Variants in GALNT5 observed in about 807,000 individuals in gnomAD.
GALNT5 encodes UDP-GalNAc:polypeptide N-acetylgalactosaminyltransferase 5.
In GALNT5, 72 loss-of-function variants were observed where a neutral mutation model predicts 85.4. That is an observed-to-expected ratio of 0.84 (90% confidence interval 0.70 to 1.03). The LOEUF is 1.03. GALNT5 is among the 50% of genes least tolerant of loss of function. The probability of loss-of-function intolerance (pLI) is 0.00; values close to 1 mark genes in which losing one functional copy is unlikely to be tolerated. For missense variants in GALNT5, 1,137 were observed against 1,135.5 expected, an observed-to-expected ratio of 1.00 and a Z score of -0.02; for synonymous variants, 404 against 397.0, an observed-to-expected ratio of 1.02 and a Z score of -0.21.
intron 5 of GALNT5, among the ~76,000 whole-genome samples, chr2:157,296,847 T>C (rs1173969055): frequency 6.6e-6 from 1 of 152,136 alleles, no homozygotes; most frequent in Non-Finnish European, 1.5e-5. Flanking sequence ...TAAACATAAG[T>C]GCAAATTAAA....
At chr2:157,310,425 C>T (rs1026822895) in intron 9 of GALNT5, among the ~76,000 whole-genome samples, 6 of 152,244 alleles carry the variant, frequency 3.9e-5, no homozygotes, top group Admixed American at 1.3e-4. Context: ...ACTCAAGCAT[C>T]GTATTTCCAA....
rs1423384757 is a variant in GALNT5 at position 157,316,853 on chromosome 2, T to TGCATTGTA, written c.*5505_*5506insGCATTGTA. The stretch of plus-strand genomic sequence containing the variant: ...TTCAATTAGAGTCGCTTTGCAAGTT[T>TGCATTGTA]ATGTGAATCTTTGCTTTGTAAAAAC... On this transcript the variant is annotated 3_prime_UTR_variant, in exon 10 of 10. Coordinates refer to ENST00000259056, the MANE Select transcript of GALNT5 (RefSeq NM_014568.3). Among the ~76,000 whole-genome samples, 4 of 152,150 alleles carry TGCATTGTA rather than the reference T, an allele frequency of 2.6e-5. No individual in the cohort carries two copies. The highest frequency in any genetic ancestry group is 6.6e-5 in the Admixed American group (1 of 15,262).
At chr2:157,293,552 A>G (rs1683147165) in intron 3 of GALNT5, among the ~76,000 whole-genome samples, 1 of 152,216 alleles carries the variant, frequency 6.6e-6, no homozygotes, top group Non-Finnish European at 1.5e-5. Flanking sequence ...ACAAGCATTA[A>G]TGCCCTGAAA....
chr2:157,268,111 C>G (rs1682497762), intron 1 of GALNT5, among the ~76,000 whole-genome samples: 2 of 152,190 alleles, frequency 1.3e-5, no homozygotes, highest in African/African-American at 4.8e-5. Flanking sequence ...AGAAAATATT[C>G]TCCTTGACCT....
chr2:157,259,569 C>G (rs557743126), intron 1 of GALNT5, 33 bp downstream of exon 1: 1 of 1,307,546 alleles, frequency 7.6e-7, no homozygotes, highest in African/African-American at 1.5e-5. Context: ...TTCCTCAACC[C>G]CAAGTGCTTT....
chr2:157,259,002 C>A lies in GALNT5; in HGVS notation c.920C>A (p.Ala307Asp). 6.7e-7 allele frequency: 1 copy of A among 1,490,304 alleles called. No individual in the cohort carries two copies. The highest frequency in any genetic ancestry group is 1.5e-5 in the South Asian group (1 of 66,690). The allele number at this position is 1,490,304 out of a possible 1,614,324, so 92.3% of individuals were successfully genotyped here. ...GGAAGTTTGTCAAAGGATGATGGAG[C>A]TAGAGGGGCTCATGGGAAGAAACTC... ...PLGSLSKDDG[A>D]RGAHGKKLNF... is the part of the protein sequence containing the mutation. Residue 307 changes from alanine (A) to aspartate (D), a missense_variant, in exon 1 of 10, where the codon GCT becomes GAT. Ala to Asp is a moderately radical substitution (Grantham distance 126). Coordinates refer to ENST00000259056, the MANE Select transcript of GALNT5 (RefSeq NM_014568.3).
Position 157,316,986 on chromosome 2 carries a change from C to A in GALNT5, c.*5638C>A, listed in dbSNP as rs1002751878. On this transcript the variant is annotated 3_prime_UTR_variant, in exon 10 of 10. Transcript: ENST00000259056. ...TCAAATAAGTAATAAATATTTTTTTCAAAAACAAGAGCTTTCTGTTTTATT... is the reference window on the plus strand; with the variant it reads ...TCAAATAAGTAATAAATATTTTTTTAAAAAACAAGAGCTTTCTGTTTTATT... Among the ~76,000 whole-genome samples the A allele has an allele frequency of 7.9e-5, 12 of 151,532 alleles. No homozygotes were observed. Among genetic ancestry groups the A allele is most frequent in the Admixed American group, 4.6e-4 (7 of 15,234 alleles).
At chr2:157,278,650 G>T (rs1188442854) in intron 1 of GALNT5, among the ~76,000 whole-genome samples, 1 of 152,082 alleles carries the variant, frequency 6.6e-6, no homozygotes, top group Non-Finnish European at 1.5e-5. Context: ...TCTTGCCATG[G>T]TTTTCAGCTC....
In GALNT5 at chr2:157,258,991, G is replaced by C. The variant is rs775580572; in HGVS notation, c.909G>C (p.Lys303Asn). 1.3e-6 allele frequency: 2 copies of C among 1,499,564 alleles called. No individual in the cohort carries two copies. The highest frequency in any genetic ancestry group is 1.8e-6 in the Non-Finnish European group (2 of 1,124,192). The allele number at this position is 1,499,564 out of a possible 1,614,324, so 92.9% of individuals were successfully genotyped here. Residue 303 changes from lysine (K) to asparagine (N), a missense_variant, in exon 1 of 10, where the codon AAG becomes AAC. By Grantham distance (94) the Lys-to-Asn change is moderately conservative. Coordinates refer to ENST00000259056, the MANE Select transcript of GALNT5 (RefSeq NM_014568.3). ...AGACACCTTTGGGAAGTTTGTCAAA[G>C]GATGATGGAGCTAGAGGGGCTCATG... is the stretch of plus-strand genomic sequence containing the variant. ...INETPLGSLS[K>N]DDGARGAHGK... is the part of the protein sequence containing the mutation.
chr2:157,260,617 A>T lies in GALNT5; in HGVS notation c.1454+1081A>T, dbSNP rs188692099. Among the ~76,000 whole-genome samples, 375 of 152,356 alleles carry T rather than the reference A, an allele frequency of 2.5e-3. 1 individual carries two copies. The highest frequency in any genetic ancestry group is 4.4e-3 in the Non-Finnish European group (300 of 68,032). On this transcript the variant is annotated intron_variant, in intron 1 of 9. Transcript: ENST00000259056. ...GGGAATGTCAAGATTGAGACTTAGC[A>T]CATGTGGCATGTAAACAATGGCCTT... is the stretch of plus-strand genomic sequence containing the variant.
Position 157,316,940 on chromosome 2 carries a change from G to C in GALNT5, c.*5592G>C, listed in dbSNP as rs985265067. ...CAAATACAGCAACTTCTAATATGCT[G>C]TTTCTAATAATGAGTCACCATCAAA... is the stretch of plus-strand genomic sequence containing the variant. On this transcript the variant is annotated 3_prime_UTR_variant, in exon 10 of 10. Transcript: ENST00000259056. 6.6e-6 allele frequency among the ~76,000 whole-genome samples: 1 copy of C among 151,798 alleles called. No homozygotes were observed. The highest frequency in any genetic ancestry group is 2.4e-5 in the African/African-American group (1 of 41,384).
chr2:157,305,894 C>A, intron 8 of GALNT5, 65 bp downstream of exon 8: 1 of 855,620 alleles, frequency 1.2e-6, no homozygotes, highest in Non-Finnish European at 1.9e-6. Context: ...ATTCATTGCT[C>A]AACTGAGAAA....
intron 1 of GALNT5, among the ~76,000 whole-genome samples, chr2:157,263,806 C>A (rs1682400745): frequency 6.6e-6 from 1 of 152,134 alleles, no homozygotes; most frequent in Non-Finnish European, 1.5e-5. Context: ...CTTAATTTTT[C>A]ATTATGAATA....
At position 157,315,288 on chromosome 2, in the gene GALNT5, G is replaced by A. The variant is rs1023163196; in HGVS notation, c.*3940G>A. 1.3e-5 allele frequency among the ~76,000 whole-genome samples: 2 copies of A among 152,144 alleles called. No homozygotes were observed. The highest frequency in any genetic ancestry group is 4.8e-5 in the African/African-American group (2 of 41,422). On this transcript the variant is annotated 3_prime_UTR_variant, in exon 10 of 10. Transcript: ENST00000259056. ...CTCATTCTCCCTGTTATATGAACAA[G>A]AAGGATAACTCCCACATACAGATGA...
intron 3 of GALNT5, among the ~76,000 whole-genome samples, chr2:157,288,371 T>A (rs576446447): frequency 6.6e-6 from 1 of 152,246 alleles, no homozygotes; most frequent in African/African-American, 2.4e-5. Flanking sequence ...CATGCTTAAT[T>A]TCCTTTGGAA....
chr2:157,257,737 G>T lies in GALNT5; in HGVS notation c.-346G>T, dbSNP rs1410749972. On this transcript the variant is annotated 5_prime_UTR_variant, in exon 1 of 10. Transcript: ENST00000259056. ...CCCCCACCTTTTCTTGGGCTTGTAG[G>T]AAGGTGGACATGGGCTCCCGGAGAC... is the stretch of plus-strand genomic sequence containing the variant. 1 of 231,906 alleles carries T rather than the reference G, an allele frequency of 4.3e-6. No individual in the cohort carries two copies. The highest frequency in any genetic ancestry group is 2.3e-5 in the African/African-American group (1 of 44,286). The allele number at this position is 231,906 out of a possible 1,614,324, so 14.4% of individuals were successfully genotyped here.
chr2:157,291,948 CCT>C lies in GALNT5; in HGVS notation c.1742-3714_1742-3713del, dbSNP rs539577745. 2.0e-4 allele frequency among the ~76,000 whole-genome samples: 30 copies of C among 152,038 alleles called. No individual in the cohort carries two copies. The South Asian group carries it at 4.4e-3, about 22-fold the overall frequency. Reference sequence around the variant, plus strand: ...TTGAGGTGATTGATATGCTAATTACCCTGATTTGATCACTACACACTTTATGT... The same window carrying C: ...TTGAGGTGATTGATATGCTAATTACCGATTTGATCACTACACACTTTATGT... On this transcript the variant is annotated intron_variant, in intron 3 of 9. Coordinates refer to ENST00000259056, the MANE Select transcript of GALNT5 (RefSeq NM_014568.3).
chr2:157,301,668 G>A (rs1018480674), intron 7 of GALNT5: 1 of 152,348 alleles, frequency 6.6e-6, no homozygotes, highest in Non-Finnish European at 1.5e-5. Context: ...GCAAAGTAAG[G>A]ATTTTATTTC....
intron 5 of GALNT5, chr2:157,298,969 G>A (rs1007278101): frequency 3.9e-5 from 6 of 152,004 alleles, no homozygotes; most frequent in African/African-American, 1.5e-4. Context: ...CGGAAGACCA[G>A]AAGACCGGAA....
Sources: gnomAD v4.1 joint callset for allele counts (sites outside exome capture counted in the v4.1 genomes callset) on GRCh38, gnomAD v4.1.1 for gene constraint, MANE v1.5 for transcripts, NCBI Gene and HGNC (gene_info 2026-07-23, HGNC 2026-07-21) for gene names.